The following ARHGAP45 variants were observed in gnomAD, a reference collection of about 807,000 sequenced individuals.
ARHGAP45 encodes Rho GTPase activating protein 45.
Under a neutral mutation model 116.1 loss-of-function variants are expected in ARHGAP45, and 56 were observed. The observed-to-expected ratio is 0.48, with a 90% CI of 0.39 to 0.60. The LOEUF is 0.60. Among genes scored for constraint, ARHGAP45 ranks in the 20% least tolerant of loss-of-function variants. ARHGAP45 has a pLI of 0.00. For missense variants in ARHGAP45, 1,622 were observed against 1,601.0 expected (o/e 1.01, Z -0.22); for synonymous variants, 866 against 701.7 (o/e 1.23, Z -3.70).
rs71174343 is a variant in ARHGAP45, at chr19:1,076,483, C to CTTTTT, written c.1186-1348_1186-1344dup. Among the ~76,000 whole-genome samples the CTTTTT allele has an allele frequency of 5.5e-4, 36 of 64,984 alleles. 8 individuals are homozygous for CTTTTT. Among genetic ancestry groups the CTTTTT allele is most frequent in the South Asian group, 2.0e-3 (3 of 1,504 alleles). The allele number at this position is 64,984 out of a possible 152,430, so 42.6% of individuals were successfully genotyped here. A position where few individuals can be genotyped will look rare whatever the true frequency, so the allele number is the denominator to read the frequency against. ...GAAACCTGTGATTGTTGGCAGTAGT[C>CTTTTT]TTTTTTTTTTTTTTTTTTTTTTTTT... On this transcript the variant is annotated intron_variant, in intron 10 of 22. Coordinates refer to ENST00000313093, the MANE Select transcript of ARHGAP45 (RefSeq NM_012292.5).
chr19:1,084,445 A>C (rs2043540532), intron 22 of ARHGAP45, 99 bp downstream of exon 22: 2 of 847,552 alleles, frequency 2.4e-6, no homozygotes, highest in East Asian at 2.6e-5. Context: ...GGCAGGGTCC[A>C]CGGTGCTGCA....
At chr19:1,079,634 C>G (rs2043367180) in intron 11 of ARHGAP45, 69 bp from the exon 12 acceptor site, 31 of 1,563,012 alleles carry the variant, frequency 2.0e-5, no homozygotes, top group Non-Finnish European at 2.6e-5. Flanking sequence ...CCCCGCCTCC[C>G]TGAGGTTTCT....
chr19:1,067,136 G>C (rs1007658575), upstream of ARHGAP45: 1 of 1,163,112 alleles, frequency 8.6e-7, no homozygotes, highest in Non-Finnish European at 1.1e-6. Flanking sequence ...CCGGGGCTGG[G>C]GGCGGGGCCT....
At chr19:1,080,624 G>T (rs2043404758) in intron 15 of ARHGAP45, 58 bp from the exon 16 acceptor site, 6 of 1,604,852 alleles carry the variant, frequency 3.7e-6, no homozygotes, top group Non-Finnish European at 5.1e-6. Flanking sequence ...CACCCACCGG[G>T]GTGATGGAGG....
At position 1,073,939 on chromosome 19, in the gene ARHGAP45, G is replaced by A. The variant is rs910254949; in HGVS notation, c.724-9G>A. On this transcript the variant is annotated splice_polypyrimidine_tract_variant and intron_variant, in intron 5 of 22. Coordinates refer to ENST00000313093, the MANE Select transcript of ARHGAP45 (RefSeq NM_012292.5). ...TGGGGCTGGTCTCACCTGCGTCTCC[G>A]TCCTACAGTCCATGGAAAGCCTGTA... 1.3e-5 allele frequency: 21 copies of A among 1,560,806 alleles called. No homozygotes were observed. Among genetic ancestry groups the A allele is most frequent in the African/African-American group, 9.5e-5 (7 of 73,392 alleles).
At chr19:1,073,038 T>G in intron 2 of ARHGAP45, 111 bp from the exon 3 acceptor site, 1 of 1,314,878 alleles carries the variant, frequency 7.6e-7, no homozygotes, top group Admixed American at 2.2e-5. Context: ...GTCTTCCACC[T>G]CTGCCTCAGT....
chr19:1,077,195 G>A lies in ARHGAP45; in HGVS notation c.1186-662G>A, dbSNP rs1045724483. ...GCTTCTCTGTTCTCGTCTGTGAGGA[G>A]GGAAGTGAAAGCAAAAGAGCCCGGA... On this transcript the variant is annotated intron_variant, in intron 10 of 22. Coordinates refer to ENST00000313093, the MANE Select transcript of ARHGAP45 (RefSeq NM_012292.5). 1.5e-5 allele frequency: 15 copies of A among 985,356 alleles called. No homozygotes were observed. In the African/African-American group the frequency reaches 2.1e-4, roughly 14 times the overall value. 61.0% of individuals were successfully genotyped at this position (985,356 alleles called of 1,614,324 possible).
intron 5 of ARHGAP45, 95 bp downstream of exon 5, chr19:1,073,841 T>C: frequency 6.5e-7 from 1 of 1,532,620 alleles, no homozygotes; most frequent in Admixed American, 2.0e-5. Context: ...GCTTCCCCTG[T>C]GCGCCTTGGT....
rs114354700 is a variant in ARHGAP45 at position 1,076,124 on chromosome 19, T to C, written c.1185+1245T>C. Among the ~76,000 whole-genome samples the C allele has an allele frequency of 3.4e-3, 523 of 152,262 alleles. 3 individuals carry two copies. The highest frequency in any genetic ancestry group is 0.012 in the African/African-American group (502 of 41,562). On this transcript the variant is annotated intron_variant, in intron 10 of 22. Coordinates refer to ENST00000313093, the MANE Select transcript of ARHGAP45 (RefSeq NM_012292.5). ...TGAGCTGTTGCTGTTACGAACACCA[T>C]TGCTATGACAAGCTTGTGCCCCTGT...
At chr19:1,075,831 T>C (rs557045513) in intron 10 of ARHGAP45, among the ~76,000 whole-genome samples, 36 of 152,316 alleles carry the variant, frequency 2.4e-4, no homozygotes, top group African/African-American at 7.9e-4. Flanking sequence ...TTTGTTTGCT[T>C]TTTAGCTGTG....
At chr19:1,078,707 C>T in intron 11 of ARHGAP45, among the ~76,000 whole-genome samples, 1 of 151,310 alleles carries the variant, frequency 6.6e-6, no homozygotes, top group East Asian at 2.0e-4. Flanking sequence ...CCGCGCCCGG[C>T]CCCGATTTTT....
At chr19:1,073,797 G>A (rs1234963678) in intron 5 of ARHGAP45, 51 bp downstream of exon 5, 4 of 1,548,738 alleles carry the variant, frequency 2.6e-6, no homozygotes, top group Admixed American at 2.0e-5. Flanking sequence ...GAGGCCAGCC[G>A]GGTTCAGGTC....
At position 1,085,917 on chromosome 19, in the gene ARHGAP45, G is replaced by A. The variant is rs142667237; in HGVS notation, c.3322G>A (p.Val1108Met). 4.1e-5 allele frequency: 66 copies of A among 1,612,836 alleles called. No individual in the cohort carries two copies. Among genetic ancestry groups the A allele is most frequent in the Admixed American group, 8.3e-5 (5 of 60,006 alleles). The change falls in exon 23 of 23, where the codon GTG (valine) becomes ATG (methionine). Residue 1108 changes from valine to methionine, a missense_variant. By Grantham distance (21) the Val-to-Met change is conservative. Coordinates refer to ENST00000313093, the MANE Select transcript of ARHGAP45 (RefSeq NM_012292.5). ...SGFNTNQSNN[V>M]LQAPLPPMRL... ...ATTCAACACCAACCAGTCCAACAACGTGCTGCAGGCCCCACTGCCCCCCAT... is the reference window on the plus strand; with the variant it reads ...ATTCAACACCAACCAGTCCAACAACATGCTGCAGGCCCCACTGCCCCCCAT...
At chr19:1,075,010 G>C (rs1235374972) in intron 10 of ARHGAP45, 131 bp downstream of exon 10, 2 of 670,038 alleles carry the variant, frequency 3.0e-6, no homozygotes, top group East Asian at 8.8e-5. Flanking sequence ...CGCATGCGCG[G>C]CCTCGCAGGC....
Position 1,079,858 on chromosome 19 carries a change from G to A in ARHGAP45, c.1512+18G>A. 1 of 1,595,508 alleles carries A rather than the reference G, an allele frequency of 6.3e-7. No homozygotes were observed. The highest frequency in any genetic ancestry group is 8.6e-7 in the Non-Finnish European group (1 of 1,167,752). On this transcript the variant is annotated intron_variant, in intron 12 of 22. Coordinates refer to ENST00000313093, the MANE Select transcript of ARHGAP45 (RefSeq NM_012292.5). ...TCAAGTCGGTGCGTGGGGTGCTCCG[G>A]CCGCCCGGGCGGGGATGGTGGACCG... is the stretch of plus-strand genomic sequence containing the variant.
chr19:1,080,622 G>A (rs1364656018), intron 15 of ARHGAP45, 60 bp from the exon 16 acceptor site: 8 of 1,595,036 alleles, frequency 5.0e-6, no homozygotes, highest in Admixed American at 1.7e-5. Context: ...ATCACCCACC[G>A]GGGTGATGGA....
At chr19:1,082,224 C>A (rs1056269605) in intron 19 of ARHGAP45, among the ~76,000 whole-genome samples, 1 of 127,038 alleles carries the variant, frequency 7.9e-6, no homozygotes, top group Admixed American at 9.1e-5. Flanking sequence ...GGGGCTTGGT[C>A]AGCACGTGGC....
At chr19:1,070,158 G>A (rs1033619920) in intron 2 of ARHGAP45, among the ~76,000 whole-genome samples, 14 of 151,706 alleles carry the variant, frequency 9.2e-5, no homozygotes, top group Admixed American at 7.9e-4. Context: ...ACCACACCTG[G>A]CTAATTTTTG....
chr19:1,084,052 C>T lies in ARHGAP45; in HGVS notation c.2956-186C>T, dbSNP rs79052977. Among the ~76,000 whole-genome samples, 1,031 of 152,236 alleles carry T rather than the reference C, an allele frequency of 6.8e-3. 17 individuals carry two copies. Among genetic ancestry groups the T allele is most frequent in the African/African-American group, 0.024 (990 of 41,520 alleles). ...GCCACTGCACGCGGCGTCTCGTATT[C>T]TTTCAATCCATCTTCCCTGGGTGTT... On this transcript the variant is annotated intron_variant, in intron 21 of 22. Coordinates refer to ENST00000313093, the MANE Select transcript of ARHGAP45 (RefSeq NM_012292.5).
Sources: allele counts gnomAD v4.1 joint callset (sites outside exome capture counted in the v4.1 genomes callset), GRCh38; gene constraint gnomAD v4.1.1; transcripts MANE v1.5; gene names NCBI Gene and HGNC (gene_info 2026-07-23, HGNC 2026-07-21).